The following ASAP1 variants were observed in gnomAD, a reference collection of about 807,000 sequenced individuals.
The protein encoded by ASAP1 is arf-GAP with SH3 domain, ANK repeat and PH domain-containing protein 1.
ASAP1 carries 43 observed loss-of-function variants against 145.2 expected under a neutral mutation model. That is an observed-to-expected ratio of 0.30 (90% CI 0.23 to 0.38). The LOEUF (loss-of-function observed/expected upper bound fraction) is 0.38. Ranked by LOEUF, ASAP1 falls within the 10% of genes least tolerant of loss-of-function variation. The pLI is 1.00. For missense variants in ASAP1, 1,018 were observed against 1,355.3 expected (o/e 0.75, Z 3.91); for synonymous variants, 546 against 515.5 (o/e 1.06, Z -0.80).
chr8:130,257,383 C>T (rs1819627278), intron 3 of ASAP1, among the ~76,000 whole-genome samples: 4 of 152,146 alleles, frequency 2.6e-5, no homozygotes, highest in Admixed American at 2.6e-4. Context: ...CACAATCCAA[C>T]TACATTTATT....
rs555597423 is a variant in ASAP1, at chr8:130,435,440, A to G, written c.-28+8020T>C. 3.9e-5 allele frequency among the ~76,000 whole-genome samples: 6 copies of G among 152,274 alleles called. 1 individual carries two copies. The highest frequency in any genetic ancestry group is 1.4e-4 in the African/African-American group (6 of 41,554). ...ATCAGGGCCCTACCACTGCCCTTGC[A>G]CCTCCAGCAGGCACTGCAGCAGGTG... On this transcript the variant is annotated intron_variant, in intron 1 of 29. Transcript: ENST00000518721.
intron 4 of ASAP1, among the ~76,000 whole-genome samples, chr8:130,221,362 G>A (rs1317165530): frequency 6.6e-6 from 1 of 152,156 alleles, no homozygotes; most frequent in Non-Finnish European, 1.5e-5. Flanking sequence ...CTTTGTGAAA[G>A]TGTTTCCCCT....
In ASAP1 at chr8:130,074,638, G is replaced by A. The variant is rs148508716; in HGVS notation, c.2701+1710C>T. On this transcript the variant is annotated intron_variant, in intron 27 of 29. Transcript: ENST00000518721. ...GACACCTGCTGGAGTCTGTCCCCGAGGGGGTGGGAGGGTACAAGGTCTACC... is the reference window on the plus strand; with the variant it reads ...GACACCTGCTGGAGTCTGTCCCCGAAGGGGTGGGAGGGTACAAGGTCTACC... Among the ~76,000 whole-genome samples the A allele has an allele frequency of 1.2e-3, 182 of 152,310 alleles. 5 individuals carry two copies. The East Asian group carries it at 0.031, about 26-fold the overall frequency.
chr8:130,272,625 T>TAA (rs1165101981), intron 3 of ASAP1, among the ~76,000 whole-genome samples: 1 of 152,114 alleles, frequency 6.6e-6, no homozygotes. Flanking sequence ...GATAAATGGA[T>TAA]AAAGAAGATG....
At chr8:130,098,498 C>T (rs1266035650) in intron 24 of ASAP1, among the ~76,000 whole-genome samples, 2 of 152,108 alleles carry the variant, frequency 1.3e-5, no homozygotes, top group African/African-American at 4.8e-5. Context: ...TGCCTGCCAC[C>T]ACGCCCGGCT....
intron 4 of ASAP1, among the ~76,000 whole-genome samples, chr8:130,229,539 C>T (rs746004020): frequency 1.3e-5 from 2 of 152,166 alleles, no homozygotes; most frequent in Non-Finnish European, 2.9e-5. Context: ...TGGTCCTTAA[C>T]AGTCATTAAT....
chr8:130,075,104 A>G (rs1454964357), intron 27 of ASAP1, among the ~76,000 whole-genome samples: 2 of 152,164 alleles, frequency 1.3e-5, no homozygotes, highest in Non-Finnish European at 2.9e-5. Context: ...AGGTAGGGTG[A>G]TATGTGAGCG....
chr8:130,204,997 A>C (rs1379464291), intron 5 of ASAP1, among the ~76,000 whole-genome samples: 3 of 152,240 alleles, frequency 2.0e-5, no homozygotes, highest in Non-Finnish European at 4.4e-5. Context: ...ACCTGCCTTA[A>C]GGCTGTGAGG....
chr8:130,262,114 C>T (rs956449699), intron 3 of ASAP1, among the ~76,000 whole-genome samples: 5 of 151,594 alleles, frequency 3.3e-5, no homozygotes, highest in African/African-American at 9.7e-5. Flanking sequence ...AAGGGAGTAC[C>T]GGCTGGGCGC....
intron 3 of ASAP1, chr8:130,340,723 C>A: frequency 3.3e-6 from 1 of 298,828 alleles, no homozygotes; most frequent in South Asian, 2.9e-5. Context: ...ATTTATTGAT[C>A]TTCTCTAAGC....
At chr8:130,082,851 C>CTTT (rs1392342018) in intron 25 of ASAP1, 1 of 151,718 alleles carries the variant, frequency 6.6e-6, no homozygotes, top group African/African-American at 2.4e-5. Flanking sequence ...AGCCACTGCA[C>CTTT]CTAGCCTGGT....
chr8:130,221,802 C>CT (rs1299879644), intron 4 of ASAP1, among the ~76,000 whole-genome samples: 1 of 152,190 alleles, frequency 6.6e-6, no homozygotes, highest in Non-Finnish European at 1.5e-5. Context: ...AATCTCAAGT[C>CT]TATCATTTAC....
At chr8:130,443,168 G>A (rs1830548234) in intron 1 of ASAP1, among the ~76,000 whole-genome samples, 1 of 151,824 alleles carries the variant, frequency 6.6e-6, no homozygotes, top group Non-Finnish European at 1.5e-5. Context: ...CCCCGTCCCC[G>A]GCCCCACTGC....
intron 24 of ASAP1, among the ~76,000 whole-genome samples, chr8:130,099,680 CTTTTTTTTT>C (rs57950334): frequency 3.5e-4 from 35 of 100,228 alleles, no homozygotes; most frequent in Non-Finnish European, 5.8e-4. Flanking sequence ...GGATTTCATT[CTTTTTTTTT>C]TTTTTTTTTT....
In ASAP1 at chr8:130,224,507, A is replaced by G. The variant is rs143779201; in HGVS notation, c.260-9806T>C. 5.9e-3 allele frequency among the ~76,000 whole-genome samples: 893 copies of G among 152,268 alleles called. 8 individuals are homozygous for G. The highest frequency in any genetic ancestry group is 0.01 in the Middle Eastern group (3 of 294). On this transcript the variant is annotated intron_variant, in intron 4 of 29. Coordinates refer to ENST00000518721, the MANE Select transcript of ASAP1 (RefSeq NM_018482.4). Reference sequence around the variant, plus strand: ...AAGATAAGCAAAGTTAATAATCTGGAGTGTATCTCAGTGAAACCTTAGGAT... The same window carrying G: ...AAGATAAGCAAAGTTAATAATCTGGGGTGTATCTCAGTGAAACCTTAGGAT...
chr8:130,125,896 A>T, intron 17 of ASAP1, 60 bp downstream of exon 17: 1 of 1,510,110 alleles, frequency 6.6e-7, no homozygotes, highest in Non-Finnish European at 8.9e-7. Flanking sequence ...ATCCAAAACA[A>T]TATATTAAAA....
chr8:130,276,724 A>ACT (rs1471141965), intron 3 of ASAP1, among the ~76,000 whole-genome samples: 36 of 102,614 alleles, frequency 3.5e-4, no homozygotes, highest in Middle Eastern at 6.5e-3. Context: ...ACACACACAC[A>ACT]CACACTCTCT....
chr8:130,375,721 T>C lies in ASAP1; in HGVS notation c.60-17578A>G, dbSNP rs959505244. Among the ~76,000 whole-genome samples, 3 of 152,350 alleles carry C rather than the reference T, an allele frequency of 2.0e-5. No homozygotes were observed. The East Asian group carries it at 5.8e-4, about 29-fold the overall frequency. On this transcript the variant is annotated intron_variant, in intron 2 of 29. Coordinates refer to ENST00000518721, the MANE Select transcript of ASAP1 (RefSeq NM_018482.4). ...CTCAACCTCTACTCCTTTGTTTTTT[T>C]AAATCTCCTTTAATTCTTACACTAT...
At chr8:130,344,255 C>T (rs956337387) in intron 3 of ASAP1, among the ~76,000 whole-genome samples, 1 of 152,074 alleles carries the variant, frequency 6.6e-6, no homozygotes, top group Non-Finnish European at 1.5e-5. Flanking sequence ...AGATCTCATA[C>T]AGATCCGTTT....
Sources: allele counts gnomAD v4.1 joint callset (sites outside exome capture counted in the v4.1 genomes callset), GRCh38; gene constraint gnomAD v4.1.1; transcripts MANE v1.5; gene names NCBI Gene and HGNC (gene_info 2026-07-23, HGNC 2026-07-21).